GLIS1: variants seen among roughly 807,000 people sequenced by gnomAD.
The protein encoded by GLIS1 is zinc finger protein GLIS1.
A neutral mutation model predicts 63.8 loss-of-function variants in GLIS1; 24 were observed. That is an observed-to-expected ratio of 0.38 (90% CI 0.27 to 0.53). The LOEUF is 0.53. Ranked by LOEUF, GLIS1 falls within the 20% of genes least tolerant of loss-of-function variation. GLIS1 has a pLI of 0.85. For synonymous variants in GLIS1, 450 were observed against 482.5 expected (o/e 0.93, Z 0.88); for missense variants, 1,036 against 1,074.1 (o/e 0.96, Z 0.50).
intron 3 of GLIS1, among the ~76,000 whole-genome samples, chr1:53,597,668 G>A (rs1279729323): frequency 1.3e-5 from 2 of 152,134 alleles, no homozygotes; most frequent in African/African-American, 2.4e-5. Flanking sequence ...TCGGGCGGTT[G>A]GGGGAAGGCA....
intron 2 of GLIS1, among the ~76,000 whole-genome samples, chr1:53,608,096 G>A (rs980914462): frequency 6.6e-6 from 1 of 152,034 alleles, no homozygotes; most frequent in East Asian, 1.9e-4. Flanking sequence ...CAAGTAGCTA[G>A]GAAGGACTAC....
intron 2 of GLIS1, among the ~76,000 whole-genome samples, chr1:53,689,098 C>T (rs1311884905): frequency 6.6e-6 from 1 of 152,264 alleles, no homozygotes; most frequent in Non-Finnish European, 1.5e-5. Context: ...TCTCCTTACA[C>T]TCCACCCTCA....
chr1:53,696,515 C>T (rs1057321874), intron 2 of GLIS1, among the ~76,000 whole-genome samples: 6 of 152,210 alleles, frequency 3.9e-5, no homozygotes, highest in South Asian at 2.1e-4. Flanking sequence ...TCCAAAGAAC[C>T]ACAGGGTGTG....
intron 2 of GLIS1, among the ~76,000 whole-genome samples, chr1:53,706,837 G>T (rs1161912120): frequency 5.3e-5 from 8 of 152,166 alleles, no homozygotes; most frequent in Non-Finnish European, 1.2e-4. Flanking sequence ...GGAACTCGGG[G>T]TATACTCAGG....
intron 2 of GLIS1, among the ~76,000 whole-genome samples, chr1:53,669,101 G>A (rs1646125474): frequency 6.6e-6 from 1 of 152,188 alleles, no homozygotes; most frequent in Non-Finnish European, 1.5e-5. Flanking sequence ...CAGGTAAGCT[G>A]GGCCCTCCTA....
chr1:53,601,548 C>G (rs1645318090), intron 2 of GLIS1, among the ~76,000 whole-genome samples: 1 of 152,144 alleles, frequency 6.6e-6, no homozygotes, highest in Non-Finnish European at 1.5e-5. Context: ...TGTGCAGGAC[C>G]AGGGCTGGGG....
rs374425342 is a variant in GLIS1 at position 53,595,607 on chromosome 1, C to T, written c.438-617G>A. On this transcript the variant is annotated intron_variant, in intron 3 of 10. Coordinates refer to ENST00000628545, the MANE Select transcript of GLIS1 (RefSeq NM_001367484.1). ...TGCTTCCCAGGGGGCTGCCCTGCTC[C>T]CTCTCCGTGGCCTTCTAGTGAGTTC... Among the ~76,000 whole-genome samples, 7 of 152,290 alleles carry T rather than the reference C, an allele frequency of 4.6e-5. No homozygotes were observed. The South Asian group carries it at 1.2e-3, about 27-fold the overall frequency.
At chr1:53,597,061 T>C (rs1253778752) in intron 3 of GLIS1, among the ~76,000 whole-genome samples, 1 of 151,060 alleles carries the variant, frequency 6.6e-6, no homozygotes, top group Non-Finnish European at 1.5e-5. Context: ...AGAGTTCTGG[T>C]GAACAGAACT....
chr1:53,540,607 T>C (rs1292436239), intron 4 of GLIS1, among the ~76,000 whole-genome samples: 2 of 152,022 alleles, frequency 1.3e-5, no homozygotes, highest in African/African-American at 2.4e-5. Context: ...CAAGAAGAAA[T>C]AGCAGGAGAG....
chr1:53,606,708 G>A (rs1645373074), intron 2 of GLIS1, among the ~76,000 whole-genome samples: 1 of 152,232 alleles, frequency 6.6e-6, no homozygotes. Flanking sequence ...CTGCTTGCCT[G>A]GAGCCGCCTT....
intron 2 of GLIS1, among the ~76,000 whole-genome samples, chr1:53,681,946 A>G (rs2100429975): frequency 6.6e-6 from 1 of 152,098 alleles, no homozygotes; most frequent in South Asian, 2.1e-4. Context: ...CCTTCCTGCT[A>G]CACTCTGTGC....
chr1:53,648,476 A>G (rs192948899), intron 2 of GLIS1, among the ~76,000 whole-genome samples: 2 of 152,356 alleles, frequency 1.3e-5, no homozygotes, highest in East Asian at 3.9e-4. Flanking sequence ...ACATGGTCAC[A>G]TCCTATAGCT....
chr1:53,701,511 C>A (rs1646522199), intron 2 of GLIS1, among the ~76,000 whole-genome samples: 1 of 152,154 alleles, frequency 6.6e-6, no homozygotes, highest in African/African-American at 2.4e-5. Flanking sequence ...CTGTCCTAAG[C>A]CCTATTGTGG....
intron 2 of GLIS1, among the ~76,000 whole-genome samples, chr1:53,696,962 A>G (rs59020945): frequency 0.26 from 39,507 of 152,090 alleles, 5,636 homozygotes; most frequent in African/African-American, 0.38. Context: ...GCATCCCCAT[A>G]CAGCCCCTCT....
chr1:53,670,176 C>T (rs1427395282), intron 2 of GLIS1, among the ~76,000 whole-genome samples: 1 of 152,214 alleles, frequency 6.6e-6, no homozygotes, highest in Non-Finnish European at 1.5e-5. Context: ...GCTCAGCCAA[C>T]AGGAATCTGA....
chr1:53,551,939 A>G (rs1644764318), intron 4 of GLIS1, among the ~76,000 whole-genome samples: 1 of 151,958 alleles, frequency 6.6e-6, no homozygotes, highest in Non-Finnish European at 1.5e-5. Context: ...GAAGCACTCC[A>G]TATTCACCCA....
At chr1:53,573,542 C>A (rs561772437) in intron 4 of GLIS1, among the ~76,000 whole-genome samples, 1 of 152,178 alleles carries the variant, frequency 6.6e-6, no homozygotes, top group African/African-American at 2.4e-5. Context: ...CACACACAGC[C>A]ACACGTACAC....
intron 2 of GLIS1, among the ~76,000 whole-genome samples, chr1:53,656,589 C>T (rs1645967891): frequency 6.6e-6 from 1 of 152,220 alleles, no homozygotes. Context: ...ATAGACTTCT[C>T]CTCGTGCGAT....
chr1:53,509,384 C>T (rs987637363), intron 9 of GLIS1, 97 bp from the exon 10 acceptor site: 3 of 1,256,174 alleles, frequency 2.4e-6, no homozygotes, highest in Admixed American at 4.4e-5. Context: ...CCCGTGTTGT[C>T]CTGTCCAGGC....
Sources: gnomAD v4.1 joint callset for allele counts (sites outside exome capture counted in the v4.1 genomes callset) on GRCh38, gnomAD v4.1.1 for gene constraint, MANE v1.5 for transcripts, NCBI Gene and HGNC (gene_info 2026-07-23, HGNC 2026-07-21) for gene names.